The following APLP2 variants were observed in gnomAD, a reference collection of about 807,000 sequenced individuals.
The protein encoded by APLP2 is amyloid beta precursor like protein 2, also known as CDEI box-binding protein.
APLP2 carries 53 observed loss-of-function variants against 89.9 expected under a neutral mutation model. The observed-to-expected ratio is 0.59, with a 90% CI of 0.47 to 0.74. APLP2 has a LOEUF of 0.74. Among genes scored for constraint, APLP2 ranks in the 30% least tolerant of loss-of-function variants. The pLI is 0.00. For synonymous variants in APLP2, 372 were observed against 348.6 expected (o/e 1.07, Z -0.75); for missense variants, 973 against 975.9 (o/e 1.00, Z 0.04).
intron 1 of APLP2, among the ~76,000 whole-genome samples, chr11:130,094,688 G>A (rs1182829373): frequency 6.6e-6 from 1 of 152,192 alleles, no homozygotes; most frequent in Non-Finnish European, 1.5e-5. Context: ...GATCTGTCAT[G>A]TTTGAATTTT....
At chr11:130,112,883 C>T (rs570559668) in intron 3 of APLP2, among the ~76,000 whole-genome samples, 1 of 152,300 alleles carries the variant, frequency 6.6e-6, no homozygotes, top group South Asian at 2.1e-4. Context: ...TTATCAGCAT[C>T]GACCACCCCA....
Position 130,144,598 on chromosome 11 carries a change from A to G in APLP2, c.*1150A>G, listed in dbSNP as rs1018421088. ...CTGCTTCTGCTTTTTCTTTCTTTTT[A>G]TTTTAAATCTGAAGGTTCTGGTAAC... is the stretch of plus-strand genomic sequence containing the variant. On this transcript the variant is annotated 3_prime_UTR_variant, in exon 17 of 17. Transcript: ENST00000338167. The G allele has an allele frequency of 1.3e-5, 2 of 152,232 alleles. No individual in the cohort carries two copies. Among genetic ancestry groups the G allele is most frequent in the Non-Finnish European group, 2.9e-5 (2 of 67,926 alleles). 9.4% of individuals were successfully genotyped at this position (152,232 alleles called of 1,614,324 possible).
At chr11:130,084,354 A>G (rs778999099) in intron 1 of APLP2, among the ~76,000 whole-genome samples, 5 of 152,208 alleles carry the variant, frequency 3.3e-5, no homozygotes, top group Non-Finnish European at 5.9e-5. Flanking sequence ...GTGTTAAACC[A>G]TTCTTGCATC....
Position 130,143,829 on chromosome 11 carries a change from G to A in APLP2, c.*381G>A, listed in dbSNP as rs545387532. 2.7e-5 allele frequency: 5 copies of A among 182,412 alleles called. No homozygotes were observed. The highest frequency in any genetic ancestry group is 1.5e-4 in the East Asian group (1 of 6,640). 11.3% of individuals were successfully genotyped at this position (182,412 alleles called of 1,614,324 possible). A position where few individuals can be genotyped will look rare whatever the true frequency, so the allele number is the denominator to read the frequency against. On this transcript the variant is annotated 3_prime_UTR_variant, in exon 17 of 17. Transcript: ENST00000338167. ...AGACTTATATGCAGGCTGTCGTTCC[G>A]GTTATGTTGTGTAAGTCAACTCTTC...
intron 13 of APLP2, 138 bp downstream of exon 13, chr11:130,135,853 T>C (rs1034632287): frequency 2.8e-6 from 3 of 1,053,886 alleles, no homozygotes; most frequent in Admixed American, 2.3e-5. Flanking sequence ...ACTGGATTCA[T>C]TGAGCGCCTA....
intron 13 of APLP2, chr11:130,137,424 G>T: frequency 1.1e-6 from 1 of 876,138 alleles, no homozygotes; most frequent in Non-Finnish European, 1.9e-6. Context: ...GGCTGTGAGT[G>T]GGGTCAGAGC....
intron 1 of APLP2, among the ~76,000 whole-genome samples, chr11:130,100,104 C>T (rs972294518): frequency 2.0e-5 from 3 of 152,208 alleles, no homozygotes; most frequent in Non-Finnish European, 4.4e-5. Flanking sequence ...CAGAGCAGCA[C>T]TGATGTGTAG....
chr11:130,082,263 A>C (rs1943288880), intron 1 of APLP2, among the ~76,000 whole-genome samples: 1 of 151,962 alleles, frequency 6.6e-6, no homozygotes, highest in African/African-American at 2.4e-5. Flanking sequence ...GGCTCACTAC[A>C]ACCTCTGCCT....
intron 3 of APLP2, among the ~76,000 whole-genome samples, chr11:130,115,796 A>C (rs1159857072): frequency 6.6e-6 from 1 of 152,230 alleles, no homozygotes; most frequent in African/African-American, 2.4e-5. Context: ...ATTGTAGCAA[A>C]GGCAGAGAGT....
At chr11:130,125,514 G>A (rs1175179305) in intron 7 of APLP2, among the ~76,000 whole-genome samples, 4 of 152,316 alleles carry the variant, frequency 2.6e-5, no homozygotes, top group African/African-American at 9.6e-5. Context: ...TAAAACTTAT[G>A]TAGGGCTCAT....
At chr11:130,091,631 C>T (rs1945243513) in intron 1 of APLP2, among the ~76,000 whole-genome samples, 3 of 126,610 alleles carry the variant, frequency 2.4e-5, no homozygotes, top group South Asian at 2.5e-4. Context: ...GGTGGCTGGC[C>T]GGGCTGAGGG....
intron 9 of APLP2, among the ~76,000 whole-genome samples, chr11:130,128,339 A>G (rs1591834976): frequency 6.6e-6 from 1 of 152,244 alleles, no homozygotes; most frequent in South Asian, 2.1e-4. Flanking sequence ...GGTTTTTACA[A>G]AACTGATTTT....
intron 1 of APLP2, among the ~76,000 whole-genome samples, chr11:130,093,395 G>A (rs904349275): frequency 2.0e-5 from 3 of 152,176 alleles, no homozygotes; most frequent in Non-Finnish European, 4.4e-5. Context: ...AGAGAAGAGG[G>A]GGCATAACAT....
intron 1 of APLP2, among the ~76,000 whole-genome samples, chr11:130,095,527 G>C (rs1174414044): frequency 6.6e-6 from 1 of 152,232 alleles, no homozygotes; most frequent in African/African-American, 2.4e-5. Context: ...TAGAAATGTG[G>C]AGATAAAGAG....
chr11:130,074,320 ACT>A (rs1299218470), intron 1 of APLP2, among the ~76,000 whole-genome samples: 1 of 151,710 alleles, frequency 6.6e-6, no homozygotes, highest in African/African-American at 2.4e-5. Context: ...GGTTCAAGCG[ACT>A]CTCCTGCCTC....
At chr11:130,110,424 G>A in intron 2 of APLP2, 114 bp from the exon 3 acceptor site, 1 of 1,265,452 alleles carries the variant, frequency 7.9e-7, no homozygotes, top group Admixed American at 2.3e-5. Flanking sequence ...TGGAACTTTA[G>A]ATGTATGTAG....
Position 130,127,065 on chromosome 11 carries a change from T to C in APLP2, c.1221+235T>C, listed in dbSNP as rs375552793. 8.5e-5 allele frequency among the ~76,000 whole-genome samples: 6 copies of C among 70,976 alleles called. No homozygotes were observed. In the African/African-American group the frequency reaches 1.1e-3, roughly 14 times the overall value. 46.6% of individuals were successfully genotyped at this position (70,976 alleles called of 152,430 possible). On this transcript the variant is annotated intron_variant, in intron 8 of 16. Transcript: ENST00000338167. The stretch of plus-strand genomic sequence containing the variant: ...GCACTTCCTATACCATTATCTGCCC[T>C]TTTTTTTTTTTTTTTTGCCATTAAC...
chr11:130,090,896 G>GCC (rs1384370790), intron 1 of APLP2, among the ~76,000 whole-genome samples: 3 of 129,638 alleles, frequency 2.3e-5, no homozygotes, highest in African/African-American at 6.7e-5. Flanking sequence ...CGGGGGGGCT[G>GCC]ACCCCCCCCA....
intron 1 of APLP2, among the ~76,000 whole-genome samples, chr11:130,107,200 T>C (rs1415996130): frequency 6.6e-6 from 1 of 152,208 alleles, no homozygotes; most frequent in African/African-American, 2.4e-5. Context: ...GTGGGTAAAT[T>C]AAGTAAAATT....
Sources: allele counts gnomAD v4.1 joint callset (sites outside exome capture counted in the v4.1 genomes callset), GRCh38; gene constraint gnomAD v4.1.1; transcripts MANE v1.5; gene names NCBI Gene and HGNC (gene_info 2026-07-23, HGNC 2026-07-21).